Variants in SORCS1 observed in about 807,000 individuals in gnomAD.
The protein encoded by SORCS1 is sortilin related VPS10 domain containing receptor 1, also known as VPS10 domain-containing receptor SorCS1.
In SORCS1, 60 loss-of-function variants were observed where a neutral mutation model predicts 146.1. That is an observed-to-expected ratio of 0.41 (90% confidence interval 0.33 to 0.51). SORCS1 has a LOEUF of 0.51. SORCS1 is among the 20% of genes least tolerant of loss of function. The pLI is 0.21. For missense variants in SORCS1, 1,352 were observed against 1,487.6 expected (o/e 0.91, Z 1.50); for synonymous variants, 637 against 584.0 (o/e 1.09, Z -1.31).
intron 1 of SORCS1, among the ~76,000 whole-genome samples, chr10:106,967,220 C>T (rs977744924): frequency 2.0e-5 from 3 of 152,042 alleles, no homozygotes; most frequent in Non-Finnish European, 4.4e-5. Context: ...CTCCTTCTCC[C>T]GTTCTTTATT....
intron 9 of SORCS1, among the ~76,000 whole-genome samples, chr10:106,693,443 G>A (rs945947782): frequency 7.9e-5 from 12 of 152,142 alleles, no homozygotes; most frequent in Admixed American, 1.3e-4. Flanking sequence ...ATCCTAGAGT[G>A]GCCTGAGAGA....
At chr10:106,971,626 G>A (rs1955790083) in intron 1 of SORCS1, among the ~76,000 whole-genome samples, 4 of 152,332 alleles carry the variant, frequency 2.6e-5, no homozygotes, top group Middle Eastern at 3.4e-3. Flanking sequence ...TCTTTTGTGA[G>A]GGCTGAGTAG....
chr10:106,583,512 T>G (rs1845044128), intron 24 of SORCS1, among the ~76,000 whole-genome samples: 1 of 152,000 alleles, frequency 6.6e-6, no homozygotes, highest in South Asian at 2.1e-4. Context: ...TTCGTTTTGT[T>G]TTGTTTTGTT....
intron 18 of SORCS1, among the ~76,000 whole-genome samples, chr10:106,649,894 A>G (rs952677480): frequency 6.6e-6 from 1 of 152,078 alleles, no homozygotes; most frequent in Non-Finnish European, 1.5e-5. Context: ...CTGTAAACCT[A>G]AGTTCTTAAT....
intron 2 of SORCS1, among the ~76,000 whole-genome samples, chr10:106,835,626 T>G (rs537577788): frequency 6.6e-6 from 1 of 152,222 alleles, no homozygotes; most frequent in African/African-American, 2.4e-5. Context: ...TGGTAAGAAC[T>G]GGAATATAAG....
chr10:106,585,000 A>G (rs909302657), intron 24 of SORCS1, among the ~76,000 whole-genome samples: 2 of 152,152 alleles, frequency 1.3e-5, no homozygotes, highest in African/African-American at 4.8e-5. Flanking sequence ...CTGAATCAGA[A>G]TTACTTGGAG....
intron 1 of SORCS1, among the ~76,000 whole-genome samples, chr10:107,106,135 C>T (rs1028035337): frequency 1.3e-5 from 2 of 152,144 alleles, no homozygotes; most frequent in African/African-American, 2.4e-5. Flanking sequence ...TGAGGATCTC[C>T]TTGTCAAATA....
intron 1 of SORCS1, among the ~76,000 whole-genome samples, chr10:106,998,351 T>C (rs1019617476): frequency 6.6e-6 from 1 of 152,234 alleles, no homozygotes; most frequent in Non-Finnish European, 1.5e-5. Flanking sequence ...CACGATGGCC[T>C]TTCTTGTCAT....
At chr10:106,841,593 C>A (rs1283541287) in intron 2 of SORCS1, among the ~76,000 whole-genome samples, 2 of 152,124 alleles carry the variant, frequency 1.3e-5, no homozygotes, top group African/African-American at 4.8e-5. Flanking sequence ...AAAATTCATT[C>A]ACTTGCTTTA....
At chr10:106,939,602 A>G (rs746780770) in intron 2 of SORCS1, among the ~76,000 whole-genome samples, 7 of 152,222 alleles carry the variant, frequency 4.6e-5, no homozygotes, top group Non-Finnish European at 8.8e-5. Flanking sequence ...AATCCTCTGC[A>G]ATCACAGATT....
intron 2 of SORCS1, among the ~76,000 whole-genome samples, chr10:106,881,922 T>C (rs1323553808): frequency 1.3e-5 from 2 of 152,188 alleles, no homozygotes; most frequent in Non-Finnish European, 2.9e-5. Context: ...TGAATAGAAG[T>C]TGGTTGGTTG....
At position 106,671,347 on chromosome 10, in the gene SORCS1, T is replaced by C. The variant is rs1406541320; in HGVS notation, c.2079A>G (p.Gly693=). 4 of 1,614,084 alleles carry C rather than the reference T, an allele frequency of 2.5e-6. No homozygotes were observed. The highest frequency in any genetic ancestry group is 3.4e-6 in the Non-Finnish European group (4 of 1,179,988). Residue 693 remains glycine, a synonymous_variant, in exon 16 of 26, where the codon GGA becomes GGG. Transcript: ENST00000263054. The part of the protein sequence containing the change: ...LHSQGEACIM[G]AKRIYKKRKS... ...TTCGCTTCTTATATATCCTTTTTGC[T>C]CCCATGATACATGCTTCCCCCTGTA...
chr10:107,038,076 G>T lies in SORCS1; in HGVS notation c.559-81496C>A, dbSNP rs973513008. Among the ~76,000 whole-genome samples the T allele has an allele frequency of 8.5e-5, 13 of 152,176 alleles. 1 individual carries two copies. Among genetic ancestry groups the T allele is most frequent in the Non-Finnish European group, 1.5e-5 (1 of 68,030 alleles). On this transcript the variant is annotated intron_variant, in intron 1 of 25. Coordinates refer to ENST00000263054, the MANE Select transcript of SORCS1 (RefSeq NM_052918.5). ...GGCCTCAGGTGATCTGCCCGCCTCA[G>T]CCTCCCAGTGTGCTGGGATTACAGG...
At chr10:107,035,178 C>T (rs1958841895) in intron 1 of SORCS1, among the ~76,000 whole-genome samples, 1 of 150,452 alleles carries the variant, frequency 6.6e-6, no homozygotes, top group African/African-American at 2.4e-5. Context: ...TTCCAGGCCC[C>T]CTACATCTTT....
At chr10:106,717,428 C>T (rs1183801202) in intron 6 of SORCS1, among the ~76,000 whole-genome samples, 1 of 152,228 alleles carries the variant, frequency 6.6e-6, no homozygotes, top group African/African-American at 2.4e-5. Flanking sequence ...AAAGTCTACA[C>T]AGAGGACAAG....
chr10:106,984,900 C>T (rs572062535), intron 1 of SORCS1, among the ~76,000 whole-genome samples: 1 of 151,968 alleles, frequency 6.6e-6, no homozygotes, highest in Non-Finnish European at 1.5e-5. Context: ...AAATATAGGG[C>T]AAGCAGGCCG....
chr10:106,758,946 G>C (rs1430728266), intron 5 of SORCS1, among the ~76,000 whole-genome samples: 2 of 152,200 alleles, frequency 1.3e-5, no homozygotes, highest in Non-Finnish European at 2.9e-5. Context: ...AGGGGAAAAA[G>C]TGGTATCTTA....
chr10:106,611,947 C>T lies in SORCS1; in HGVS notation c.2997G>A (p.Arg999=), dbSNP rs1257159594. The T allele has an allele frequency of 6.2e-7, 1 of 1,614,102 alleles. No homozygotes were observed. Among genetic ancestry groups the T allele is most frequent in the Non-Finnish European group, 8.5e-7 (1 of 1,179,986 alleles). The part of the protein sequence containing the change: ...DYNPDIPEWR[R]DIGRVIKKSL... ...ATTTTTTGATGACTCGACCGATGTCCCTCCTCCACTCAGGGATGTCCGGGT... is the reference window on the plus strand; with the variant it reads ...ATTTTTTGATGACTCGACCGATGTCTCTCCTCCACTCAGGGATGTCCGGGT... The change falls in exon 22 of 26, where the codon AGG becomes AGA. Residue 999 remains arginine (R), a synonymous_variant. Transcript: ENST00000263054.
intron 6 of SORCS1, among the ~76,000 whole-genome samples, chr10:106,722,088 C>T (rs1035985401): frequency 6.7e-6 from 1 of 148,202 alleles, no homozygotes; most frequent in African/African-American, 2.5e-5. Context: ...TAAGCCTAAA[C>T]AATTTCTGGA....
Sources: gnomAD v4.1 joint callset for allele counts (sites outside exome capture counted in the v4.1 genomes callset) on GRCh38, gnomAD v4.1.1 for gene constraint, MANE v1.5 for transcripts, NCBI Gene and HGNC (gene_info 2026-07-23, HGNC 2026-07-21) for gene names.